The following HNRNPUL1 variants were observed in gnomAD, a reference collection of about 807,000 sequenced individuals.
HNRNPUL1 encodes the protein heterogeneous nuclear ribonucleoprotein U like 1, also known as heterogeneous nuclear ribonucleoprotein U-like protein 1.
Under a neutral mutation model 108.5 loss-of-function variants are expected in HNRNPUL1, and 14 were observed. That is an observed-to-expected ratio of 0.13 (90% CI 0.09 to 0.20). HNRNPUL1 has a LOEUF of 0.20. Ranked by LOEUF, HNRNPUL1 falls within the 10% of genes least tolerant of loss-of-function variation. HNRNPUL1 has a pLI of 1.00. For missense variants in HNRNPUL1, 804 were observed against 1,168.3 expected (o/e 0.69, Z 4.55); for synonymous variants, 422 against 445.2 (o/e 0.95, Z 0.66).
chr19:41,302,527 AT>A (rs2037287903), intron 11 of HNRNPUL1, 137 bp from the exon 12 acceptor site: 3 of 1,129,594 alleles, frequency 2.7e-6, no homozygotes, highest in Non-Finnish European at 4.0e-6. Flanking sequence ...CCTTCTGTCT[AT>A]GTCTTTCTTA....
At chr19:41,263,250 A>G (rs1267755191), upstream of HNRNPUL1, among the ~76,000 whole-genome samples, 2 of 152,098 alleles carry the variant, frequency 1.3e-5, no homozygotes, top group Non-Finnish European at 2.9e-5. Context: ...GTTTTGAGTT[A>G]GAGGCGACAG....
rs34393408 is a variant in HNRNPUL1 at position 41,303,350 on chromosome 19, ATTTTTTTTTT to A, written c.1972+412_1972+421del. On this transcript the variant is annotated intron_variant, in intron 12 of 14. Transcript: ENST00000392006. ...TGTCACCAGTGCTTAGCTTCCTCTC[ATTTTTTTTTT>A]TTTTTTTTTTGAGACGGAGTTTTGC... Among the ~76,000 whole-genome samples, 3 of 119,094 alleles carry A rather than the reference ATTTTTTTTTT, an allele frequency of 2.5e-5. No homozygotes were observed. The South Asian group carries it at 8.1e-4, about 32-fold the overall frequency. The allele number at this position is 119,094 out of a possible 152,430, so 78.1% of individuals were successfully genotyped here.
rs533980401 is a variant in HNRNPUL1 at position 41,302,597 on chromosome 19, G to C, written c.1688-68G>C. 18 of 1,590,384 alleles carry C rather than the reference G, an allele frequency of 1.1e-5. No individual in the cohort carries two copies. The South Asian group carries it at 2.0e-4, about 18-fold the overall frequency. On this transcript the variant is annotated intron_variant, in intron 11 of 14. Transcript: ENST00000392006. ...CTGGAAGGCCACTCTTCTGGGTGGAGGGGACCAGACTTCAGAAGGTACTGA... is the reference window on the plus strand; with the variant it reads ...CTGGAAGGCCACTCTTCTGGGTGGACGGGACCAGACTTCAGAAGGTACTGA...
intron 7 of HNRNPUL1, among the ~76,000 whole-genome samples, chr19:41,291,656 G>A (rs1023399436): frequency 3.3e-5 from 5 of 151,992 alleles, no homozygotes; most frequent in Admixed American, 3.3e-4. Context: ...CTCAGTCTAG[G>A]CACAAGACTC....
chr19:41,301,171 G>A (rs1934441614), intron 10 of HNRNPUL1, among the ~76,000 whole-genome samples: 1 of 152,094 alleles, frequency 6.6e-6, no homozygotes, highest in African/African-American at 2.4e-5. Flanking sequence ...GGAACACAGG[G>A]GTTTTTCCTC....
chr19:41,285,762 G>T (rs1467252192), intron 7 of HNRNPUL1, among the ~76,000 whole-genome samples: 2 of 152,078 alleles, frequency 1.3e-5, no homozygotes, highest in Non-Finnish European at 2.9e-5. Flanking sequence ...TACAGAAGGG[G>T]TCAAAGTGGT....
At chr19:41,284,721 G>T (rs2036107583) in intron 7 of HNRNPUL1, among the ~76,000 whole-genome samples, 1 of 152,098 alleles carries the variant, frequency 6.6e-6, no homozygotes, top group Non-Finnish European at 1.5e-5. Flanking sequence ...ATACCTGCCG[G>T]GCACGGTGGC....
chr19:41,293,461 A>C (rs1204915362), intron 8 of HNRNPUL1, among the ~76,000 whole-genome samples: 5 of 152,222 alleles, frequency 3.3e-5, no homozygotes, highest in Non-Finnish European at 7.3e-5. Context: ...CTTCAAGGGA[A>C]TGAACGTCAT....
At chr19:41,284,928 G>A (rs2036129865) in intron 7 of HNRNPUL1, among the ~76,000 whole-genome samples, 1 of 151,308 alleles carries the variant, frequency 6.6e-6, no homozygotes, top group Admixed American at 6.6e-5. Context: ...CCTGGGAGGC[G>A]GAGCTTGCAG....
chr19:41,276,492 C>A (rs1033894080), intron 5 of HNRNPUL1, 194 bp downstream of exon 5: 1 of 522,272 alleles, frequency 1.9e-6, no homozygotes, highest in Non-Finnish European at 3.3e-6. Flanking sequence ...AGCAGGCCAA[C>A]CATGCATTGC....
chr19:41,270,516 A>C (rs1389543480), intron 2 of HNRNPUL1, among the ~76,000 whole-genome samples: 2 of 152,016 alleles, frequency 1.3e-5, no homozygotes, highest in African/African-American at 4.8e-5. Context: ...TGTATCGTTT[A>C]AACTTAGGAT....
chr19:41,294,810 G>A lies in HNRNPUL1; in HGVS notation c.1518+124G>A. 1 of 1,184,428 alleles carries A rather than the reference G, an allele frequency of 8.4e-7. No homozygotes were observed. The highest frequency in any genetic ancestry group is 1.4e-5 in the South Asian group (1 of 71,916). 73.4% of individuals were successfully genotyped at this position (1,184,428 alleles called of 1,614,324 possible). A position where few individuals can be genotyped will look rare whatever the true frequency, so the allele number is the denominator to read the frequency against. ...ATGATGGACTGCTGTGCTAGTCGGG[G>A]GGGTCAGACCTTGTCATACATGATG... On this transcript the variant is annotated intron_variant, in intron 10 of 14. Transcript: ENST00000392006. This position sits in a 1 kb window ranked among gnomAD's most constrained non-coding sequence, Gnocchi z 4.3.
At position 41,276,211 on chromosome 19, in the gene HNRNPUL1, G is replaced by A. The variant is rs753693640; in HGVS notation, c.699G>A (p.Pro233=). The A allele has an allele frequency of 1.2e-6, 2 of 1,613,700 alleles. No individual in the cohort carries two copies. Among genetic ancestry groups the A allele is most frequent in the African/African-American group, 1.3e-5 (1 of 74,794 alleles). ...CCCGAGATCGGAGTAGTGGCTATCC[G>A]CTCACAATTGAGGGCTTTGCATACC... ...KVARDRSSGY[P]LTIEGFAYLW... Residue 233 remains proline (P), a synonymous_variant, in exon 5 of 15, where the codon CCG becomes CCA. Transcript: ENST00000392006.
At position 41,276,172 on chromosome 19, in the gene HNRNPUL1, C is replaced by G. The variant is rs1463535205; in HGVS notation, c.660C>G (p.Leu220=). 1 of 1,613,990 alleles carries G rather than the reference C, an allele frequency of 6.2e-7. No individual in the cohort carries two copies. The highest frequency in any genetic ancestry group is 1.7e-5 in the Admixed American group (1 of 59,970). ...TTTCCTTCACAGATAACTGCGACCTCCACTTCAAGGTGGCCCGAGATCGGA... is the reference window on the plus strand; with the variant it reads ...TTTCCTTCACAGATAACTGCGACCTGCACTTCAAGGTGGCCCGAGATCGGA... The part of the protein sequence containing the change: ...LVAIDTYNCD[L]HFKVARDRSS... Residue 220 remains leucine, a synonymous_variant, in exon 5 of 15, where the codon CTC becomes CTG. Coordinates refer to ENST00000392006, the MANE Select transcript of HNRNPUL1 (RefSeq NM_007040.6).
chr19:41,279,660 A>T (rs2035789713), intron 6 of HNRNPUL1, among the ~76,000 whole-genome samples: 1 of 152,104 alleles, frequency 6.6e-6, no homozygotes, highest in Non-Finnish European at 1.5e-5. Flanking sequence ...GGCTTCAATG[A>T]CCTTCTGGTC....
rs554352139 is a variant in HNRNPUL1, at chr19:41,304,621, TGCCCAGGCTG to T, written c.2262+363_2262+372del. ...AAAGCACTTGACTGGAGTCACCCCT[TGCCCAGGCTG>T]GCTGACCTCTTTGTCTTTTGGACAT... On this transcript the variant is annotated intron_variant, in intron 13 of 14. Coordinates refer to ENST00000392006, the MANE Select transcript of HNRNPUL1 (RefSeq NM_007040.6). Among the ~76,000 whole-genome samples, 30 of 152,344 alleles carry T rather than the reference TGCCCAGGCTG, an allele frequency of 2.0e-4. No individual in the cohort carries two copies. In the East Asian group the frequency reaches 5.4e-3, roughly 27 times the overall value.
chr19:41,305,770 A>G lies in HNRNPUL1; in HGVS notation c.2357A>G (p.Tyr786Cys). Residue 786 changes from tyrosine (Y) to cysteine (C), a missense_variant, in exon 14 of 15, where the codon TAT (tyrosine) becomes TGT (cysteine). Coordinates refer to ENST00000392006, the MANE Select transcript of HNRNPUL1 (RefSeq NM_007040.6). Reference sequence around the variant, plus strand: ...CCTCCACCACCACCTGCCTACAACTATGGGAGCTACGGCGGTTACAACCCG... The same window carrying G: ...CCTCCACCACCACCTGCCTACAACTGTGGGAGCTACGGCGGTTACAACCCG... ...PPPPPPPAYN[Y>C]GSYGGYNPAP... The G allele has an allele frequency of 6.2e-7, 1 of 1,613,736 alleles. No individual in the cohort carries two copies. The highest frequency in any genetic ancestry group is 8.5e-7 in the Non-Finnish European group (1 of 1,179,806).
intron 7 of HNRNPUL1, among the ~76,000 whole-genome samples, chr19:41,291,152 T>C (rs1392135874): frequency 6.6e-6 from 1 of 152,190 alleles, no homozygotes; most frequent in African/African-American, 2.4e-5. Context: ...TGTTCCTGAA[T>C]TACTTCCCCC....
At position 41,292,174 on chromosome 19, in the gene HNRNPUL1, T is replaced by C; in HGVS notation, c.1000-71T>C. 6.7e-7 allele frequency: 1 copy of C among 1,498,278 alleles called. No homozygotes were observed. The highest frequency in any genetic ancestry group is 9.2e-7 in the Non-Finnish European group (1 of 1,084,406). The allele number at this position is 1,498,278 out of a possible 1,614,324, so 92.8% of individuals were successfully genotyped here. On this transcript the variant is annotated intron_variant, in intron 7 of 14. Transcript: ENST00000392006. The surrounding 1 kb of genome is among the most constrained non-coding windows in gnomAD (Gnocchi z 4.1). Reference sequence around the variant, plus strand: ...TCCACATTCTACTCCCTGCATCTACTGTCCTCACATTTGACTCCCAGTGCC... The same window carrying C: ...TCCACATTCTACTCCCTGCATCTACCGTCCTCACATTTGACTCCCAGTGCC...
Sources: allele counts gnomAD v4.1 joint callset (sites outside exome capture counted in the v4.1 genomes callset), GRCh38; gene constraint gnomAD v4.1.1; non-coding constraint Gnocchi (gnomAD v3.1); transcripts MANE v1.5; gene names NCBI Gene and HGNC (gene_info 2026-07-23, HGNC 2026-07-21).